PTCD3: variants seen among roughly 807,000 people sequenced by gnomAD.
PTCD3 encodes small ribosomal subunit protein mS39.
PTCD3 carries 89 observed loss-of-function variants against 101.9 expected under a neutral mutation model. That is an observed-to-expected ratio of 0.87 (90% CI 0.74 to 1.04). The LOEUF (loss-of-function observed/expected upper bound fraction) is 1.04, where lower values mean the gene tolerates loss of function less well. PTCD3 is among the 50% of genes least tolerant of loss of function. The pLI, the probability that PTCD3 is intolerant of heterozygous loss-of-function variation, is 0.00. For missense variants in PTCD3, 870 were observed against 828.2 expected (o/e 1.05, Z -0.62); for synonymous variants, 296 against 278.5 (o/e 1.06, Z -0.63).
intron 5 of PTCD3, 152 bp from the exon 6 acceptor site, chr2:86,116,903 A>G (rs569313432): frequency 5.9e-5 from 36 of 615,024 alleles, no homozygotes; most frequent in Non-Finnish European, 9.4e-5. Context: ...ATCACAGTAG[A>G]AAAGGTGGGA....
chr2:86,135,051 C>G, intron 21 of PTCD3, 64 bp downstream of exon 21: 1 of 1,513,366 alleles, frequency 6.6e-7, no homozygotes, highest in Non-Finnish European at 9.0e-7. Flanking sequence ...AACATTGGCC[C>G]ACGCTGGTAG....
At chr2:86,111,006 G>A in intron 3 of PTCD3, 107 bp from the exon 4 acceptor site, 2 of 1,005,160 alleles carry the variant, frequency 2.0e-6, no homozygotes, top group Non-Finnish European at 3.2e-6. Flanking sequence ...AGCTTCAGAT[G>A]AGATCTGCAC....
rs1426976562 is a variant in PTCD3, at chr2:86,125,839, G to A, written c.910G>A (p.Ala304Thr). 4 of 1,609,646 alleles carry A rather than the reference G, an allele frequency of 2.5e-6. No individual in the cohort carries two copies. Among genetic ancestry groups the A allele is most frequent in the Admixed American group, 3.3e-5 (2 of 59,976 alleles). ...FNALIEATVC[A>T]INEKFEEKWS... ...TGCATTGATTGAAGCAACAGTATGT[G>A]CGATAAATGAGAAATTTGAGGAAAA... The change falls in exon 12 of 24, where the codon GCG becomes ACG. Residue 304 changes from alanine (A) to threonine (T), a missense_variant. Physicochemically the swap from Ala to Thr is moderately conservative, Grantham distance 58. Transcript: ENST00000254630.
Position 86,141,832 on chromosome 2 carries a change from G to GC in PTCD3, c.*4276dup, listed in dbSNP as rs1674691149. 6.6e-6 allele frequency: 1 copy of GC among 152,178 alleles called. No homozygotes were observed. Among genetic ancestry groups the GC allele is most frequent in the Non-Finnish European group, 1.5e-5 (1 of 68,030 alleles). The allele number at this position is 152,178 out of a possible 1,614,324, so 9.4% of individuals were successfully genotyped here. On this transcript the variant is annotated 3_prime_UTR_variant, in exon 24 of 24. Transcript: ENST00000254630. Reference sequence around the variant, plus strand: ...TGAAAGGGTGAAGAGAAGCCTACCTGCCCTAATGGCTCAGGGCTATATCCA... The same window carrying GC: ...TGAAAGGGTGAAGAGAAGCCTACCTGCCCCTAATGGCTCAGGGCTATATCCA...
chr2:86,119,302 C>T, intron 7 of PTCD3: 1 of 438,374 alleles, frequency 2.3e-6, no homozygotes, highest in Non-Finnish European at 4.0e-6. Context: ...TCTACCTTAG[C>T]TTCTGTTTTT....
At position 86,133,248 on chromosome 2, in the gene PTCD3, A is replaced by G. The variant is rs1485306357; in HGVS notation, c.1444A>G (p.Ile482Val). 18 of 1,614,114 alleles carry G rather than the reference A, an allele frequency of 1.1e-5. No homozygotes were observed. The highest frequency in any genetic ancestry group is 1.5e-5 in the Non-Finnish European group (18 of 1,180,006). ...TACCTTGAAGTGGTATGAGGACCTGATACCTTCAGTAAGATGGTTCATTAC... is the reference window on the plus strand; with the variant it reads ...TACCTTGAAGTGGTATGAGGACCTGGTACCTTCAGTAAGATGGTTCATTAC... ...DVTLKWYEDL[I>V]PSAYFPHSQT... is the part of the protein sequence containing the mutation. Residue 482 changes from isoleucine to valine, a missense_variant, in exon 18 of 24, where the codon ATA becomes GTA. Physicochemically the swap from Ile to Val is conservative, Grantham distance 29. Coordinates refer to ENST00000254630, the MANE Select transcript of PTCD3 (RefSeq NM_017952.6).
intron 19 of PTCD3, 95 bp downstream of exon 19, chr2:86,133,531 T>A: frequency 1.6e-6 from 2 of 1,231,562 alleles, no homozygotes; most frequent in Admixed American, 2.0e-5. Context: ...GGATGAAAAC[T>A]TCCATTTTGA....
chr2:86,115,896 A>T (rs1674168330), intron 4 of PTCD3, among the ~76,000 whole-genome samples: 1 of 152,182 alleles, frequency 6.6e-6, no homozygotes, highest in Non-Finnish European at 1.5e-5. Flanking sequence ...GCGTGGGTGG[A>T]TAGTGACCTT....
In PTCD3 at chr2:86,108,576, T is replaced by C. The variant is rs1279377824; in HGVS notation, c.194+40T>C. 1.9e-6 allele frequency: 3 copies of C among 1,547,808 alleles called. No individual in the cohort carries two copies. The African/African-American group carries it at 4.2e-5, about 21-fold the overall frequency. The stretch of plus-strand genomic sequence containing the variant: ...AGTGTTCATTCAGCAAATGGTTGAG[T>C]GCTTACTATGAGAGAAGTGTAAGGG... On this transcript the variant is annotated intron_variant, in intron 3 of 23. Coordinates refer to ENST00000254630, the MANE Select transcript of PTCD3 (RefSeq NM_017952.6).
At position 86,134,425 on chromosome 2, in the gene PTCD3, T is replaced by C. The variant is rs375184891; in HGVS notation, c.1629+48T>C. 8.8e-6 allele frequency: 13 copies of C among 1,475,528 alleles called. No homozygotes were observed. In the African/African-American group the frequency reaches 1.5e-4, roughly 17 times the overall value. 91.4% of individuals were successfully genotyped at this position (1,475,528 alleles called of 1,614,324 possible). On this transcript the variant is annotated intron_variant, in intron 20 of 23. Coordinates refer to ENST00000254630, the MANE Select transcript of PTCD3 (RefSeq NM_017952.6). The stretch of plus-strand genomic sequence containing the variant: ...AGTATATCCTCCCATACTGAGGTCT[T>C]CTTAAGGCTAGCTTCCCTGGTTTTA...
intron 4 of PTCD3, 33 bp from the exon 5 acceptor site, chr2:86,116,497 A>T: frequency 6.5e-7 from 1 of 1,546,562 alleles, no homozygotes; most frequent in Non-Finnish European, 8.9e-7. Context: ...TCTTCAAAAT[A>T]AATATAGAAA....
At chr2:86,127,604 T>G in intron 13 of PTCD3, 1 of 463,292 alleles carries the variant, frequency 2.2e-6, no homozygotes, top group South Asian at 3.1e-5. Context: ...ATTAGGTATT[T>G]GAACCTAAGT....
At chr2:86,125,393 A>C in intron 10 of PTCD3, 62 bp from the exon 11 acceptor site, 1 of 1,511,726 alleles carries the variant, frequency 6.6e-7, no homozygotes, top group African/African-American at 1.4e-5. Flanking sequence ...ACTCTAGGAC[A>C]GAAATGTGCA....
chr2:86,121,722 C>T (rs1022289286), intron 8 of PTCD3, 128 bp downstream of exon 8: 13 of 530,634 alleles, frequency 2.4e-5, no homozygotes, highest in African/African-American at 1.6e-4. Flanking sequence ...ATGTGTGGTA[C>T]GATAGCCTTG....
chr2:86,137,114 T>A lies in PTCD3; in HGVS notation c.1953T>A (p.Ser651Arg). The A allele has an allele frequency of 6.3e-7, 1 of 1,592,934 alleles. No individual in the cohort carries two copies. The highest frequency in any genetic ancestry group is 8.5e-7 in the Non-Finnish European group (1 of 1,170,760). Residue 651 changes from serine (S) to arginine (R), a missense_variant, in exon 23 of 24, where the codon AGT becomes AGA. Coordinates refer to ENST00000254630, the MANE Select transcript of PTCD3 (RefSeq NM_017952.6). Reference sequence around the variant, plus strand: ...AGGGCCTCACCCAGAGAGTAATGAGTGATTTTGCAATCAACCAGGAACAAA... The same window carrying A: ...AGGGCCTCACCCAGAGAGTAATGAGAGATTTTGCAATCAACCAGGAACAAA... Reference protein sequence around the residue: ...ICEGLTQRVMSDFAINQEQKE... With the variant: ...ICEGLTQRVMRDFAINQEQKE...
rs896359325 is a variant in PTCD3 at position 86,125,177 on chromosome 2, TG to T, written c.804+99del. ...ACATTTTGGGTCAGGTAATTTGTTG[TG>T]GGGTCTGTCCTGTGCATTGTAGGAT... On this transcript the variant is annotated intron_variant, in intron 10 of 23. Coordinates refer to ENST00000254630, the MANE Select transcript of PTCD3 (RefSeq NM_017952.6). 101 of 1,530,860 alleles carry T rather than the reference TG, an allele frequency of 6.6e-5. No homozygotes were observed. In the African/African-American group the frequency reaches 1.3e-3, roughly 20 times the overall value. 94.8% of individuals were successfully genotyped at this position (1,530,860 alleles called of 1,614,324 possible). A position where few individuals can be genotyped will look rare whatever the true frequency, so the allele number is the denominator to read the frequency against.
chr2:86,139,652 A>G lies in PTCD3; in HGVS notation c.*2093A>G, dbSNP rs1028898400. 1 of 152,112 alleles carries G rather than the reference A, an allele frequency of 6.6e-6. No homozygotes were observed. The highest frequency in any genetic ancestry group is 1.5e-5 in the Non-Finnish European group (1 of 68,072). The allele number at this position is 152,112 out of a possible 1,614,324, so 9.4% of individuals were successfully genotyped here. On this transcript the variant is annotated 3_prime_UTR_variant, in exon 24 of 24. Transcript: ENST00000254630. Reference sequence around the variant, plus strand: ...CCCCCTCCCTACAAAAGATTTTAATAATTAGTTGGGCGTAGTGGTGCATGC... The same window carrying G: ...CCCCCTCCCTACAAAAGATTTTAATGATTAGTTGGGCGTAGTGGTGCATGC...
chr2:86,130,494 G>A (rs1460005092), intron 14 of PTCD3, among the ~76,000 whole-genome samples, 154 bp from the exon 15 acceptor site: 1 of 152,132 alleles, frequency 6.6e-6, no homozygotes, highest in Admixed American at 6.6e-5. Context: ...AGGGTATAGT[G>A]GTTCCTTTAG....
Position 86,128,058 on chromosome 2 carries a change from T to A in PTCD3, c.1147+67T>A. 2.4e-6 allele frequency: 3 copies of A among 1,265,056 alleles called. No individual in the cohort carries two copies. In the South Asian group the frequency reaches 3.6e-5, roughly 15 times the overall value. 78.4% of individuals were successfully genotyped at this position (1,265,056 alleles called of 1,614,324 possible). On this transcript the variant is annotated intron_variant, in intron 14 of 23. Transcript: ENST00000254630. ...GACCAGCTTTCTTGAGTTTATGTGA[T>A]TAATTGTTGTAGTTATCTTCTCTGC...
Sources: allele counts gnomAD v4.1 joint callset (sites outside exome capture counted in the v4.1 genomes callset), GRCh38; gene constraint gnomAD v4.1.1; transcripts MANE v1.5; gene names NCBI Gene and HGNC (gene_info 2026-07-23, HGNC 2026-07-21).